The following AARSD1 variants were observed in gnomAD, a reference collection of about 807,000 sequenced individuals.
AARSD1 encodes alanyl-tRNA editing protein Aarsd1.
In AARSD1, 44 loss-of-function variants were observed where a neutral mutation model predicts 48.7. The observed-to-expected ratio is 0.90, with a 90% CI of 0.71 to 1.16. AARSD1 has a LOEUF of 1.16. Ranked by LOEUF, AARSD1 falls within the 50% of genes most tolerant of loss-of-function variation. AARSD1 has a pLI of 0.00. For missense variants in AARSD1, 511 were observed against 523.1 expected (o/e 0.98, Z 0.23); for synonymous variants, 189 against 194.9 (o/e 0.97, Z 0.25).
chr17:42,956,059 C>T (rs766969829), intron 6 of AARSD1, 87 bp from the exon 7 acceptor site: 120 of 1,609,430 alleles, frequency 7.5e-5, no homozygotes, highest in Non-Finnish European at 9.8e-5. Context: ...GCAGGAGAAA[C>T]CTATCTGTTC....
At position 42,955,929 on chromosome 17, in the gene AARSD1, G is replaced by A. The variant is rs1175654971; in HGVS notation, c.707C>T (p.Thr236Ile). The A allele has an allele frequency of 6.2e-7, 1 of 1,614,042 alleles. No individual in the cohort carries two copies. The highest frequency in any genetic ancestry group is 1.7e-5 in the Admixed American group (1 of 59,986). ...LGTEKGKKNR[T>I]NLIFLSGNRV... is the part of the protein sequence containing the mutation. ...GTTCCCAGACAGAAATATCAGGTTG[G>A]TTCTGTTCTTTTTCCCCTTCTCAGT... is the stretch of plus-strand genomic sequence containing the variant. Residue 236 changes from threonine to isoleucine, a missense_variant, in exon 7 of 12, where the codon ACC becomes ATC. Thr to Ile is a moderately conservative substitution (Grantham distance 89). Coordinates refer to ENST00000427569, the MANE Select transcript of AARSD1 (RefSeq NM_001261434.2).
intron 10 of AARSD1, 58 bp from the exon 11 acceptor site, chr17:42,951,952 C>T (rs1318838876): frequency 1.8e-5 from 28 of 1,550,592 alleles, no homozygotes; most frequent in Non-Finnish European, 2.5e-5. Flanking sequence ...GTCAACCCCC[C>T]AAATCCTGCA....
intron 3 of AARSD1, among the ~76,000 whole-genome samples, chr17:42,960,225 G>GCA (rs2049615518): frequency 6.6e-6 from 1 of 151,078 alleles, no homozygotes; most frequent in Non-Finnish European, 1.5e-5. Flanking sequence ...CCGAGATCAT[G>GCA]CCATTGCACT....
chr17:42,957,273 G>A (rs901672878), intron 3 of AARSD1, 78 bp from the exon 4 acceptor site: 1 of 1,572,268 alleles, frequency 6.4e-7, no homozygotes, highest in African/African-American at 1.4e-5. Context: ...GAGCTACAAT[G>A]ATAAAAGCAC....
intron 3 of AARSD1, among the ~76,000 whole-genome samples, chr17:42,958,002 C>T (rs1292516841): frequency 1.3e-5 from 2 of 152,020 alleles, no homozygotes; most frequent in African/African-American, 4.8e-5. Context: ...AGAAGTAGCG[C>T]ATGTCAAAGG....
intron 2 of AARSD1, among the ~76,000 whole-genome samples, 168 bp downstream of exon 2, chr17:42,963,938 T>C (rs1245758095): frequency 6.6e-6 from 1 of 152,192 alleles, no homozygotes; most frequent in African/African-American, 2.4e-5. Flanking sequence ...CTAGCATATG[T>C]TATGTCTAGA....
At chr17:42,963,942 G>A (rs1476795188) in intron 2 of AARSD1, among the ~76,000 whole-genome samples, 164 bp downstream of exon 2, 1 of 152,140 alleles carries the variant, frequency 6.6e-6, no homozygotes, top group African/African-American at 2.4e-5. Context: ...CATATGTTAT[G>A]TCTAGATAAG....
chr17:42,963,593 C>A (rs2049668633), intron 2 of AARSD1, among the ~76,000 whole-genome samples: 1 of 151,982 alleles, frequency 6.6e-6, no homozygotes, highest in Non-Finnish European at 1.5e-5. Flanking sequence ...TCTATCTCAC[C>A]TGAACTCCTT....
intron 2 of AARSD1, among the ~76,000 whole-genome samples, chr17:42,961,757 A>T (rs879561520): frequency 6.6e-6 from 1 of 152,134 alleles, no homozygotes; most frequent in Non-Finnish European, 1.5e-5. Context: ...TAGGCTGGGC[A>T]TGGTAGCTTA....
intron 10 of AARSD1, among the ~76,000 whole-genome samples, chr17:42,952,577 G>A (rs139886184): frequency 3.3e-5 from 5 of 152,074 alleles, no homozygotes; most frequent in Non-Finnish European, 4.4e-5. Flanking sequence ...GGCTGACGTG[G>A]GAGGACTGCT....
chr17:42,950,794 T>G, intron 11 of AARSD1, 66 bp from the exon 12 acceptor site: 1 of 1,551,384 alleles, frequency 6.4e-7, no homozygotes, highest in Non-Finnish European at 8.6e-7. Flanking sequence ...CAAGGGCAGC[T>G]CTGAGTCTTT....
intron 7 of AARSD1, 37 bp from the exon 8 acceptor site, chr17:42,955,261 C>T: frequency 6.2e-7 from 1 of 1,611,748 alleles, no homozygotes; most frequent in Non-Finnish European, 8.5e-7. Context: ...TGCGCAGCTT[C>T]CCAGTCGTTT....
At chr17:42,960,161 C>T (rs1368108233) in intron 3 of AARSD1, among the ~76,000 whole-genome samples, 1 of 151,416 alleles carries the variant, frequency 6.6e-6, no homozygotes, top group Admixed American at 6.6e-5. Flanking sequence ...CCCAGCTACT[C>T]GGGAGGCCAA....
chr17:42,958,189 C>A (rs1349494901), intron 3 of AARSD1, among the ~76,000 whole-genome samples: 2 of 152,098 alleles, frequency 1.3e-5, no homozygotes, highest in Non-Finnish European at 2.9e-5. Context: ...AGAGGAGTGA[C>A]ATAATATTTT....
chr17:42,964,160 G>C lies in AARSD1; in HGVS notation c.117C>G (p.Ser39Arg), dbSNP rs146850790. Reference protein sequence around the residue: ...EGSNGKKEVLSGFQVVLEDTV... With the variant: ...EGSNGKKEVLRGFQVVLEDTV... ...TGTCTTCCAGCACCACTTGGAAACCGCTCAGCACTTCTTTCTTGCCGTTGC... is the reference window on the plus strand; with the variant it reads ...TGTCTTCCAGCACCACTTGGAAACCCCTCAGCACTTCTTTCTTGCCGTTGC... Residue 39 changes from serine to arginine, a missense_variant, in exon 2 of 12, where the codon AGC becomes AGG. Ser to Arg is a moderately radical substitution (Grantham distance 110). Coordinates refer to ENST00000427569, the MANE Select transcript of AARSD1 (RefSeq NM_001261434.2). 8.1e-6 allele frequency: 13 copies of C among 1,614,198 alleles called. 1 individual carries two copies. The African/African-American group carries it at 1.3e-4, about 17-fold the overall frequency.
rs113015679 is a variant in AARSD1, at chr17:42,963,417, A to G, written c.171+689T>C. ...GATTCTGTCTCAAAAAAAAAAAGAA[A>G]GAAAGAAAGAAAAGAAAAGAAAGAA... On this transcript the variant is annotated intron_variant, in intron 2 of 11. Transcript: ENST00000427569. Among the ~76,000 whole-genome samples the G allele has an allele frequency of 6.8e-4, 104 of 151,882 alleles. 3 individuals are homozygous for G. Among genetic ancestry groups the G allele is most frequent in the African/African-American group, 2.4e-3 (99 of 41,452 alleles).
chr17:42,950,778 A>G (rs1251739348), intron 11 of AARSD1, 50 bp from the exon 12 acceptor site: 1 of 1,572,560 alleles, frequency 6.4e-7, no homozygotes, highest in Non-Finnish European at 8.6e-7. Flanking sequence ...AAGTCACAAA[A>G]AAAAACAAGG....
intron 11 of AARSD1, among the ~76,000 whole-genome samples, chr17:42,951,559 A>C (rs2049478936): frequency 1.3e-5 from 2 of 152,158 alleles, no homozygotes; most frequent in African/African-American, 4.8e-5. Context: ...CAAAAAACAA[A>C]AACAAACACA....
At chr17:42,957,083 C>T (rs2049567253) in intron 4 of AARSD1, 55 bp downstream of exon 4, 2 of 1,604,388 alleles carry the variant, frequency 1.2e-6, no homozygotes, top group South Asian at 2.2e-5. Flanking sequence ...ACCTCCGCCT[C>T]CCTCCCAGTG....
Sources: gnomAD v4.1 joint callset for allele counts (sites outside exome capture counted in the v4.1 genomes callset) on GRCh38, gnomAD v4.1.1 for gene constraint, MANE v1.5 for transcripts, NCBI Gene and HGNC (gene_info 2026-07-23, HGNC 2026-07-21) for gene names.